PRKAR1B: variants seen among roughly 807,000 people sequenced by gnomAD.
The protein encoded by PRKAR1B is protein kinase cAMP-dependent type I regulatory subunit beta.
In PRKAR1B, 22 loss-of-function variants were observed where a neutral mutation model predicts 46.5. The observed-to-expected ratio is 0.47, with a 90% CI of 0.34 to 0.68. The LOEUF is 0.68. Ranked by LOEUF, PRKAR1B falls within the 30% of genes least tolerant of loss-of-function variation. The pLI, the probability that PRKAR1B is intolerant of heterozygous loss-of-function variation, is 0.01. For synonymous variants in PRKAR1B, 259 were observed against 217.7 expected, an observed-to-expected ratio of 1.19 and a Z score of -1.67; for missense variants, 445 against 535.6, an observed-to-expected ratio of 0.83 and a Z score of 1.67.
intron 4 of PRKAR1B, among the ~76,000 whole-genome samples, chr7:627,617 A>G (rs1323979875): frequency 1.3e-5 from 2 of 152,172 alleles, no homozygotes; most frequent in Non-Finnish European, 2.9e-5. Flanking sequence ...CCCAGTACTG[A>G]GCTTGACAGC....
chr7:641,350 A>T (rs986866735), intron 4 of PRKAR1B, among the ~76,000 whole-genome samples: 1 of 152,242 alleles, frequency 6.6e-6, no homozygotes, highest in Admixed American at 6.5e-5. Context: ...ACAGACACGC[A>T]TAAGGCTGTT....
chr7:662,079 A>C (rs1295210580), intron 4 of PRKAR1B, among the ~76,000 whole-genome samples: 42 of 89,518 alleles, frequency 4.7e-4, no homozygotes, highest in Non-Finnish European at 8.5e-4. Flanking sequence ...AACGGGTCCA[A>C]ATACCTACTC....
intron 6 of PRKAR1B, among the ~76,000 whole-genome samples, chr7:603,620 ATG>A (rs1447176741): frequency 2.4e-5 from 3 of 122,870 alleles, no homozygotes; most frequent in South Asian, 2.4e-4. Flanking sequence ...AGTGGAGGTG[ATG>A]GGGGAGGAGG....
chr7:685,400 A>ATATATG (rs1554303311), intron 2 of PRKAR1B, among the ~76,000 whole-genome samples: 1 of 124,060 alleles, frequency 8.1e-6, no homozygotes, highest in Non-Finnish European at 1.6e-5. Context: ...ATATATATAT[A>ATATATG]TGTATATATA....
chr7:638,877 G>C (rs1319210119), intron 4 of PRKAR1B, among the ~76,000 whole-genome samples: 2 of 151,198 alleles, frequency 1.3e-5, no homozygotes, highest in Non-Finnish European at 2.9e-5. Context: ...AGGAGTTCGA[G>C]ACCATCCTGG....
chr7:631,347 C>G (rs1783726077), intron 4 of PRKAR1B, among the ~76,000 whole-genome samples: 1 of 152,200 alleles, frequency 6.6e-6, no homozygotes, highest in South Asian at 2.1e-4. Flanking sequence ...CCATGTCATG[C>G]CATAGACCTT....
intron 4 of PRKAR1B, among the ~76,000 whole-genome samples, chr7:614,303 G>T (rs1291093483): frequency 6.6e-6 from 1 of 152,222 alleles, no homozygotes; most frequent in Non-Finnish European, 1.5e-5. Context: ...GCTCCAAGAT[G>T]GTGGAACACG....
Position 667,755 on chromosome 7 carries a change from G to A in PRKAR1B, c.440+9474C>T, listed in dbSNP as rs1013170091. The stretch of plus-strand genomic sequence containing the variant: ...GCTCCTGAGGAGTTGTGGGGCCTTG[G>A]ACAAGGACAGGGAAGGAAACTGAGG... On this transcript the variant is annotated intron_variant, in intron 4 of 10. Coordinates refer to ENST00000537384, the MANE Select transcript of PRKAR1B (RefSeq NM_001164760.2). This position sits in a 1 kb window ranked among gnomAD's most constrained non-coding sequence, Gnocchi z 4.3. Among the ~76,000 whole-genome samples the A allele has an allele frequency of 6.6e-6, 1 of 152,128 alleles. No homozygotes were observed. The highest frequency in any genetic ancestry group is 1.5e-5 in the Non-Finnish European group (1 of 68,026).
chr7:711,719 C>T (rs1051345497), intron 1 of PRKAR1B, among the ~76,000 whole-genome samples, 192 bp from the exon 2 acceptor site: 5 of 145,182 alleles, frequency 3.4e-5, no homozygotes, highest in Admixed American at 7.0e-5. Context: ...AGCCTTCCCT[C>T]CCCACAGACC....
chr7:701,083 G>A (rs1399407904), intron 2 of PRKAR1B, among the ~76,000 whole-genome samples: 3 of 152,012 alleles, frequency 2.0e-5, no homozygotes, highest in Non-Finnish European at 2.9e-5. Flanking sequence ...AGCTACTCGG[G>A]AGGCTGAGGC....
intron 2 of PRKAR1B, among the ~76,000 whole-genome samples, chr7:702,365 T>G (rs2128522922): frequency 6.6e-6 from 1 of 152,244 alleles, no homozygotes; most frequent in East Asian, 1.9e-4. Context: ...AATCCAACCA[T>G]ATCAATAATT....
At chr7:573,229 C>T (rs936536404) in intron 9 of PRKAR1B, among the ~76,000 whole-genome samples, 1 of 152,238 alleles carries the variant, frequency 6.6e-6, no homozygotes, top group Admixed American at 6.5e-5. Context: ...CTTTCAAATA[C>T]ATTTTACAGC....
chr7:551,966 C>A (rs112650356), intron 9 of PRKAR1B, among the ~76,000 whole-genome samples: 906 of 21,616 alleles, frequency 0.042, 14 homozygotes, highest in Middle Eastern at 0.12. Flanking sequence ...CTTCCCTCGG[C>A]GCCACTGCCA....
chr7:643,132 C>A (rs1784471282), intron 4 of PRKAR1B, among the ~76,000 whole-genome samples: 1 of 151,606 alleles, frequency 6.6e-6, no homozygotes, highest in African/African-American at 2.4e-5. Context: ...TCAGACTCTG[C>A]CATTGCAAAA....
At chr7:688,657 C>A (rs1251131112) in intron 2 of PRKAR1B, among the ~76,000 whole-genome samples, 2 of 152,186 alleles carry the variant, frequency 1.3e-5, no homozygotes, top group Non-Finnish European at 2.9e-5. Flanking sequence ...CCTCCCTTCC[C>A]TCCCCAAGTC....
At chr7:556,055 G>C (rs1013984303) in intron 9 of PRKAR1B, among the ~76,000 whole-genome samples, 16 of 152,134 alleles carry the variant, frequency 1.1e-4, no homozygotes, top group Non-Finnish European at 2.2e-4. Flanking sequence ...ATATGCCCCG[G>C]GAGTGGCCAG....
At chr7:677,343 C>A in intron 3 of PRKAR1B, 23 bp from the exon 4 acceptor site, 1 of 1,607,972 alleles carries the variant, frequency 6.2e-7, no homozygotes, top group Middle Eastern at 1.7e-4. Flanking sequence ...CAACACATCA[C>A]CGTGTGAGCC....
chr7:662,195 C>G (rs1314779016), intron 4 of PRKAR1B, among the ~76,000 whole-genome samples: 2 of 104,136 alleles, frequency 1.9e-5, no homozygotes, highest in Admixed American at 8.9e-5. Flanking sequence ...ACTCTCCCCC[C>G]CATGGCACAG....
intron 9 of PRKAR1B, among the ~76,000 whole-genome samples, chr7:573,702 G>A (rs543866652): frequency 1.6e-4 from 25 of 152,218 alleles, no homozygotes; most frequent in Non-Finnish European, 3.2e-4. Context: ...GGTAAAATCC[G>A]AGTCGTCAAC....
Sources: gnomAD v4.1 joint callset for allele counts (sites outside exome capture counted in the v4.1 genomes callset) on GRCh38, gnomAD v4.1.1 for gene constraint, Gnocchi (gnomAD v3.1) non-coding constraint, MANE v1.5 for transcripts, NCBI Gene and HGNC (gene_info 2026-07-23, HGNC 2026-07-21) for gene names.